The following EIF4G3 variants were observed in gnomAD, a reference collection of about 807,000 sequenced individuals.
EIF4G3 encodes the protein eukaryotic translation initiation factor 4 gamma 3.
EIF4G3 carries 34 observed loss-of-function variants against 186.4 expected under a neutral mutation model. The observed-to-expected ratio is 0.18, with a 90% CI of 0.14 to 0.24. The LOEUF is 0.24. Ranked by LOEUF, EIF4G3 falls within the 10% of genes least tolerant of loss-of-function variation. EIF4G3 has a pLI of 1.00. For synonymous variants in EIF4G3, 673 were observed against 679.5 expected, an observed-to-expected ratio of 0.99 and a Z score of 0.15; for missense variants, 1,536 against 1,948.5, an observed-to-expected ratio of 0.79 and a Z score of 3.99.
chr1:20,877,900 G>C (rs986280514), intron 20 of EIF4G3, among the ~76,000 whole-genome samples: 1 of 152,102 alleles, frequency 6.6e-6, no homozygotes, highest in African/African-American at 2.4e-5. Flanking sequence ...CTGGAGTGTT[G>C]TGGTGCAATC....
intron 14 of EIF4G3, among the ~76,000 whole-genome samples, chr1:20,914,776 A>G (rs531395698): frequency 1.7e-4 from 26 of 152,320 alleles, no homozygotes; most frequent in African/African-American, 4.3e-4. Context: ...TTTTCCAGAG[A>G]TATTTTTCTC....
chr1:21,101,564 A>AAAAAAAAAAAAAAC (rs1557966049), intron 2 of EIF4G3, among the ~76,000 whole-genome samples: 1 of 141,016 alleles, frequency 7.1e-6, no homozygotes, highest in African/African-American at 2.6e-5. Flanking sequence ...GGTCTCAGGA[A>AAAAAAAAAAAAAAC]AAAAAAAAAA....
At chr1:21,143,362 A>T (rs897644099) in intron 2 of EIF4G3, among the ~76,000 whole-genome samples, 2 of 149,362 alleles carry the variant, frequency 1.3e-5, no homozygotes, top group Non-Finnish European at 1.5e-5. Flanking sequence ...GAGAAAGAGA[A>T]GGAAAGGAAA....
intron 14 of EIF4G3, among the ~76,000 whole-genome samples, chr1:20,935,307 G>A (rs2095484370): frequency 6.6e-6 from 1 of 152,054 alleles, no homozygotes; most frequent in South Asian, 2.1e-4. Context: ...CAAATCACAA[G>A]AATAATGCTT....
chr1:20,928,168 G>A (rs914660570), intron 14 of EIF4G3, among the ~76,000 whole-genome samples: 13 of 152,204 alleles, frequency 8.5e-5, no homozygotes, highest in Admixed American at 1.3e-4. Context: ...TAATAAGACA[G>A]AATAAAAACA....
intron 3 of EIF4G3, among the ~76,000 whole-genome samples, chr1:21,082,767 G>A (rs925155190): frequency 1.3e-5 from 2 of 151,944 alleles, no homozygotes; most frequent in African/African-American, 2.4e-5. Flanking sequence ...GGCCGGGCGC[G>A]GTGGCTCACG....
intron 16 of EIF4G3, among the ~76,000 whole-genome samples, chr1:20,897,291 C>T (rs753442612): frequency 7.9e-5 from 12 of 151,706 alleles, no homozygotes; most frequent in Admixed American, 5.3e-4. Flanking sequence ...AAATAAATAA[C>T]TTAGAAATAA....
chr1:21,052,913 C>T (rs1334519500), intron 3 of EIF4G3, among the ~76,000 whole-genome samples: 181 of 152,282 alleles, frequency 1.2e-3, no homozygotes, highest in African/African-American at 4.2e-3. Flanking sequence ...AGTGCAGTGG[C>T]GTGATCTCGG....
At chr1:20,995,349 CTA>C (rs2082060662) in intron 7 of EIF4G3, among the ~76,000 whole-genome samples, 2 of 152,170 alleles carry the variant, frequency 1.3e-5, no homozygotes, top group African/African-American at 4.8e-5. Context: ...AAGGCCCAGG[CTA>C]TTTAGTAACA....
intron 4 of EIF4G3, among the ~76,000 whole-genome samples, chr1:21,008,679 G>A (rs2086040941): frequency 1.3e-5 from 2 of 152,066 alleles, no homozygotes; most frequent in Admixed American, 6.6e-5. Flanking sequence ...TCAATAAAGA[G>A]ATATAGATGT....
chr1:21,002,728 A>G lies in EIF4G3; in HGVS notation c.15T>C (p.Pro5=). ...GCTTACTTACCGGAGAACGGGTTTGAGGTTGTGAATTCATTGTCTGAGGGG... is the reference window on the plus strand; with the variant it reads ...GCTTACTTACCGGAGAACGGGTTTGGGGTTGTGAATTCATTGTCTGAGGGG... MNSQ[P]QTRSPPSRTV... The change falls in exon 5 of 37, where the codon CCT becomes CCC. Residue 5 remains proline (P), a synonymous_variant. Transcript: ENST00000602326. 6.2e-7 allele frequency: 1 copy of G among 1,613,602 alleles called. No individual in the cohort carries two copies. The highest frequency in any genetic ancestry group is 8.5e-7 in the Non-Finnish European group (1 of 1,179,718).
intron 2 of EIF4G3, among the ~76,000 whole-genome samples, chr1:21,110,264 C>T (rs1452587591): frequency 6.6e-6 from 1 of 151,598 alleles, no homozygotes; most frequent in African/African-American, 2.4e-5. Flanking sequence ...CATCTAAATG[C>T]TATAATTCAG....
At chr1:21,061,303 G>A (rs1448941322) in intron 3 of EIF4G3, among the ~76,000 whole-genome samples, 1 of 151,974 alleles carries the variant, frequency 6.6e-6, no homozygotes, top group Non-Finnish European at 1.5e-5. Context: ...GCATCATGTT[G>A]GCACTCCAAA....
chr1:21,108,514 G>C lies in EIF4G3; in HGVS notation c.-271-19301C>G, dbSNP rs149049325. Among the ~76,000 whole-genome samples, 774 of 152,090 alleles carry C rather than the reference G, an allele frequency of 5.1e-3. 7 individuals carry two copies. The highest frequency in any genetic ancestry group is 0.018 in the African/African-American group (743 of 41,480). ...TGTAGGACGCTATTAAGTTTAGTAA[G>C]GTATTTCATTTCATTATTTTCTGAA... On this transcript the variant is annotated intron_variant, in intron 2 of 36. Transcript: ENST00000602326.
intron 33 of EIF4G3, among the ~76,000 whole-genome samples, chr1:20,821,506 T>C (rs1466559705): frequency 2.6e-5 from 4 of 152,238 alleles, no homozygotes; most frequent in Admixed American, 6.5e-5. Context: ...GCCAGTTCAA[T>C]AGTTGTGTCA....
At chr1:20,984,234 T>G (rs897901112) in intron 7 of EIF4G3, among the ~76,000 whole-genome samples, 1 of 151,970 alleles carries the variant, frequency 6.6e-6, no homozygotes, top group Non-Finnish European at 1.5e-5. Flanking sequence ...TGGCTGATCT[T>G]GGCTCACTGC....
At position 21,176,887 on chromosome 1, in the gene EIF4G3, G is replaced by C. The variant is rs903441098; in HGVS notation, c.-621C>G. 22 of 692,116 alleles carry C rather than the reference G, an allele frequency of 3.2e-5. No individual in the cohort carries two copies. Among genetic ancestry groups the C allele is most frequent in the African/African-American group, 5.3e-5 (3 of 56,264 alleles). 42.9% of individuals were successfully genotyped at this position (692,116 alleles called of 1,614,324 possible). Reference sequence around the variant, plus strand: ...CGCTGTGGCCGCCTCCAGCAGTCCGGCAGGACGGCTGCTCGGAAAACTTCG... The same window carrying C: ...CGCTGTGGCCGCCTCCAGCAGTCCGCCAGGACGGCTGCTCGGAAAACTTCG... On this transcript the variant is annotated 5_prime_UTR_variant, in exon 1 of 37. Coordinates refer to ENST00000602326, the MANE Select transcript of EIF4G3 (RefSeq NM_001391906.1).
In EIF4G3 at chr1:20,964,463, T is replaced by C. The variant is rs114321384; in HGVS notation, c.714+5011A>G. The stretch of plus-strand genomic sequence containing the variant: ...AATATGTGAGATACAAAATCTCTAC[T>C]AGCTAACCCACAGAAAATTTTAAGA... On this transcript the variant is annotated intron_variant, in intron 12 of 36. Coordinates refer to ENST00000602326, the MANE Select transcript of EIF4G3 (RefSeq NM_001391906.1). 1.9e-3 allele frequency among the ~76,000 whole-genome samples: 286 copies of C among 152,354 alleles called. 1 individual carries two copies. The highest frequency in any genetic ancestry group is 6.3e-3 in the African/African-American group (263 of 41,582).
chr1:21,014,288 A>G (rs1570987593), intron 4 of EIF4G3, among the ~76,000 whole-genome samples: 1 of 152,226 alleles, frequency 6.6e-6, no homozygotes, highest in African/African-American at 2.4e-5. Flanking sequence ...AAAGTTAAAG[A>G]CAAGTTCCTG....
Sources: allele counts gnomAD v4.1 joint callset (sites outside exome capture counted in the v4.1 genomes callset), GRCh38; gene constraint gnomAD v4.1.1; transcripts MANE v1.5; gene names NCBI Gene and HGNC (gene_info 2026-07-23, HGNC 2026-07-21).